The following BCL2L13 variants were observed in gnomAD, a reference collection of about 807,000 sequenced individuals.
BCL2L13 encodes BCL2 like 13, also known as bcl-2-like protein 13.
Under a neutral mutation model 25.8 loss-of-function variants are expected in BCL2L13, and 13 were observed. The observed-to-expected ratio is 0.50, with a 90% CI of 0.33 to 0.80. The LOEUF is 0.80. Among genes scored for constraint, BCL2L13 ranks in the 30% least tolerant of loss-of-function variants. The probability of loss-of-function intolerance (pLI) is 0.02; values close to 1 mark genes in which losing one functional copy is unlikely to be tolerated. For synonymous variants in BCL2L13, 244 were observed against 230.3 expected (o/e 1.06, Z -0.54); for missense variants, 504 against 574.9 (o/e 0.88, Z 1.26).
intron 2 of BCL2L13, among the ~76,000 whole-genome samples, chr22:17,679,883 A>T (rs570526716): frequency 6.6e-6 from 1 of 152,054 alleles, no homozygotes; most frequent in South Asian, 2.1e-4. Context: ...ATAGAAATTG[A>T]CACAAGGCCA....
intron 3 of BCL2L13, among the ~76,000 whole-genome samples, chr22:17,685,754 C>CTTTTTTTT (rs2059909181): frequency 1.9e-5 from 1 of 53,994 alleles, no homozygotes; most frequent in Non-Finnish European, 4.0e-5. Context: ...ATAATTTTTT[C>CTTTTTTTT]TTTTTCTTTT....
chr22:17,630,510 C>T (rs2057988896), intron 1 of BCL2L13, among the ~76,000 whole-genome samples: 1 of 151,646 alleles, frequency 6.6e-6, no homozygotes, highest in South Asian at 2.1e-4. Flanking sequence ...GAACTGCTGA[C>T]CTCGTGATCC....
chr22:17,719,175 AAAG>A (rs1166615915), intron 6 of BCL2L13, among the ~76,000 whole-genome samples: 3 of 151,292 alleles, frequency 2.0e-5, no homozygotes, highest in Non-Finnish European at 3.0e-5. Context: ...AAAAAAAAAA[AAAG>A]AATAAAAAAT....
At chr22:17,679,379 C>G (rs1268957829) in intron 2 of BCL2L13, among the ~76,000 whole-genome samples, 1 of 150,404 alleles carries the variant, frequency 6.6e-6, no homozygotes, top group East Asian at 1.9e-4. Flanking sequence ...AAGTGATTCT[C>G]CCACCTCAGC....
chr22:17,713,973 A>G (rs1225054421), intron 6 of BCL2L13, among the ~76,000 whole-genome samples: 1 of 151,314 alleles, frequency 6.6e-6, no homozygotes, highest in Non-Finnish European at 1.5e-5. Context: ...GTGATACCCT[A>G]TTTCTACCAA....
chr22:17,654,737 T>C lies in BCL2L13; in HGVS notation c.-50-925T>C, dbSNP rs1055683030. 4.0e-5 allele frequency among the ~76,000 whole-genome samples: 6 copies of C among 151,708 alleles called. No individual in the cohort carries two copies. The South Asian group carries it at 6.2e-4, about 16-fold the overall frequency. On this transcript the variant is annotated intron_variant, in intron 1 of 6. Transcript: ENST00000317582. ...CCGCACCTGGCCTGTCTTCTCTTTT[T>C]TTAAGACAGGGTCTTGCCCTGTTTC...
At chr22:17,667,566 T>C (rs2059271113) in intron 2 of BCL2L13, among the ~76,000 whole-genome samples, 1 of 152,060 alleles carries the variant, frequency 6.6e-6, no homozygotes, top group African/African-American at 2.4e-5. Context: ...TGGAATATAG[T>C]GGTGTGGTCT....
upstream of BCL2L13, among the ~76,000 whole-genome samples, chr22:17,635,175 GCCACAAGTTCAAGA>G (rs569791603): frequency 7.7e-3 from 1,158 of 150,960 alleles, 8 homozygotes; most frequent in Admixed American, 0.014. Flanking sequence ...ATCACTTGAG[GCCACAAGTTCAAGA>G]CCAGCCTGGA....
At chr22:17,636,473 C>T (rs1041608691), upstream of BCL2L13, among the ~76,000 whole-genome samples, 2 of 151,818 alleles carry the variant, frequency 1.3e-5, no homozygotes, top group African/African-American at 4.8e-5. Context: ...GGCTGGGTAA[C>T]AGAAGCGACA....
intron 1 of BCL2L13, among the ~76,000 whole-genome samples, chr22:17,647,703 A>G (rs1280382635): frequency 6.6e-6 from 1 of 152,244 alleles, no homozygotes; most frequent in African/African-American, 2.4e-5. Flanking sequence ...GATTTTAGGC[A>G]AATAAATTGT....
At chr22:17,635,070 G>A (rs1467782524), upstream of BCL2L13, among the ~76,000 whole-genome samples, 3 of 151,750 alleles carry the variant, frequency 2.0e-5, no homozygotes, top group Non-Finnish European at 2.9e-5. Context: ...GATCTGTAGC[G>A]CCTATTAAAA....
chr22:17,702,518 G>A (rs1297983839), intron 6 of BCL2L13, 132 bp downstream of exon 6: 4 of 878,390 alleles, frequency 4.6e-6, no homozygotes, highest in South Asian at 2.5e-5. Flanking sequence ...ATCATGGCAG[G>A]CTTCGGTCTC....
rs1323032300 is a variant in BCL2L13 at position 17,728,645 on chromosome 22, T to C, written c.*1111T>C. ...GTAAGGATTTTTATTCTTGGGCTTA[T>C]AGAGCCAGTTAGATCATAATTCTTA... On this transcript the variant is annotated 3_prime_UTR_variant, in exon 7 of 7. Coordinates refer to ENST00000317582, the MANE Select transcript of BCL2L13 (RefSeq NM_015367.4). The C allele has an allele frequency of 6.6e-6, 1 of 152,220 alleles. No homozygotes were observed. Among genetic ancestry groups the C allele is most frequent in the Non-Finnish European group, 1.5e-5 (1 of 68,032 alleles). 9.4% of individuals were successfully genotyped at this position (152,220 alleles called of 1,614,324 possible).
intron 4 of BCL2L13, among the ~76,000 whole-genome samples, chr22:17,693,667 A>G (rs2060182206): frequency 6.6e-6 from 1 of 152,088 alleles, no homozygotes; most frequent in Non-Finnish European, 1.5e-5. Flanking sequence ...GGCGTGAGCC[A>G]CAGCACCTGG....
chr22:17,637,180 G>A (rs1325877718), upstream of BCL2L13, among the ~76,000 whole-genome samples: 8 of 152,014 alleles, frequency 5.3e-5, no homozygotes, highest in Admixed American at 5.2e-4. Context: ...GCCAAGGCGA[G>A]TGGATCACCT....
At chr22:17,706,745 T>A (rs777676068) in intron 6 of BCL2L13, 1 of 1,351,964 alleles carries the variant, frequency 7.4e-7, no homozygotes, top group African/African-American at 1.5e-5. Context: ...TCCCTCCTCA[T>A]TCTCTTTTCA....
At chr22:17,661,837 C>G (rs1273213125) in intron 2 of BCL2L13, among the ~76,000 whole-genome samples, 1 of 115,964 alleles carries the variant, frequency 8.6e-6, no homozygotes, top group African/African-American at 2.6e-5. Flanking sequence ...ACTAAAAATA[C>G]AAAATTAGGT....
rs2061375417 is a variant in BCL2L13 at position 17,730,004 on chromosome 22, T to C, written c.*2470T>C. The C allele has an allele frequency of 7.0e-6, 1 of 142,056 alleles. No homozygotes were observed. The highest frequency in any genetic ancestry group is 1.6e-5 in the Non-Finnish European group (1 of 62,352). 8.8% of individuals were successfully genotyped at this position (142,056 alleles called of 1,614,324 possible). A position where few individuals can be genotyped will look rare whatever the true frequency, so the allele number is the denominator to read the frequency against. ...TCCTTTTGGGGGGAGGAGCTGATAG[T>C]AGGAGGCCATTCCTTCCACCTCCAA... is the stretch of plus-strand genomic sequence containing the variant. On this transcript the variant is annotated 3_prime_UTR_variant, in exon 7 of 7. Transcript: ENST00000317582.
chr22:17,670,913 G>T (rs536271558), intron 2 of BCL2L13, among the ~76,000 whole-genome samples: 1 of 152,028 alleles, frequency 6.6e-6, no homozygotes, highest in Non-Finnish European at 1.5e-5. Context: ...GTATGATAAC[G>T]CTAGAACCTG....
Sources: gnomAD v4.1 joint callset for allele counts (sites outside exome capture counted in the v4.1 genomes callset) on GRCh38, gnomAD v4.1.1 for gene constraint, MANE v1.5 for transcripts, NCBI Gene and HGNC (gene_info 2026-07-23, HGNC 2026-07-21) for gene names.